CTNNA3: variants seen among roughly 807,000 people sequenced by gnomAD.
CTNNA3 encodes catenin alpha 3.
In CTNNA3, 76 loss-of-function variants were observed where a neutral mutation model predicts 95.7. That is an observed-to-expected ratio of 0.79 (90% CI 0.66 to 0.96). CTNNA3 has a LOEUF of 0.96. Among genes scored for constraint, CTNNA3 ranks in the 40% least tolerant of loss-of-function variants. CTNNA3 has a pLI of 0.00. For synonymous variants in CTNNA3, 431 were observed against 374.4 expected, an observed-to-expected ratio of 1.15 and a Z score of -1.74; for missense variants, 1,191 against 1,089.8, an observed-to-expected ratio of 1.09 and a Z score of -1.31.
intron 15 of CTNNA3, among the ~76,000 whole-genome samples, chr10:66,040,133 A>T (rs1344389254): frequency 2.0e-5 from 3 of 152,186 alleles, no homozygotes; most frequent in Non-Finnish European, 4.4e-5. Context: ...AAAGCTTAAC[A>T]TCACTGATTA....
At chr10:66,143,014 C>T (rs1186492595) in intron 13 of CTNNA3, among the ~76,000 whole-genome samples, 3 of 151,990 alleles carry the variant, frequency 2.0e-5, no homozygotes, top group Non-Finnish European at 2.9e-5. Context: ...GTTAAATACA[C>T]TAAATTTCTG....
intron 5 of CTNNA3, among the ~76,000 whole-genome samples, chr10:67,284,801 A>C (rs918430786): frequency 6.6e-6 from 1 of 152,220 alleles, no homozygotes; most frequent in African/African-American, 2.4e-5. Context: ...TTCCCAGTGG[A>C]CATATTTGGC....
rs186642729 is a variant in CTNNA3 at position 67,273,872 on chromosome 10, A to G, written c.580-54002T>C. Among the ~76,000 whole-genome samples, 481 of 152,282 alleles carry G rather than the reference A, an allele frequency of 3.2e-3. 1 individual carries two copies. The highest frequency in any genetic ancestry group is 0.011 in the African/African-American group (453 of 41,572). ...TAATGAGAACAGGCAAAACTAATGAAGGGTGGAAAAGGTGAGAATAGTGGT... is the reference window on the plus strand; with the variant it reads ...TAATGAGAACAGGCAAAACTAATGAGGGGTGGAAAAGGTGAGAATAGTGGT... On this transcript the variant is annotated intron_variant, in intron 5 of 17. Transcript: ENST00000433211.
At chr10:66,771,340 A>T (rs1229365319) in intron 8 of CTNNA3, among the ~76,000 whole-genome samples, 1 of 152,192 alleles carries the variant, frequency 6.6e-6, no homozygotes, top group African/African-American at 2.4e-5. Context: ...TGTTGCTTAA[A>T]TTTTTTTATA....
intron 5 of CTNNA3, among the ~76,000 whole-genome samples, chr10:67,514,354 T>C (rs1184179838): frequency 6.6e-6 from 1 of 152,166 alleles, no homozygotes; most frequent in Non-Finnish European, 1.5e-5. Context: ...CTAAAGATTC[T>C]TTACTTGGTT....
chr10:66,068,338 T>C (rs919624792), intron 15 of CTNNA3, among the ~76,000 whole-genome samples: 3 of 152,178 alleles, frequency 2.0e-5, no homozygotes, highest in African/African-American at 7.2e-5. Flanking sequence ...CCATTTACAT[T>C]TCAATATTGC....
chr10:66,025,899 A>G (rs1441196283), intron 15 of CTNNA3, among the ~76,000 whole-genome samples: 1 of 152,320 alleles, frequency 6.6e-6, no homozygotes, highest in East Asian at 1.9e-4. Context: ...CAGGCCAAAT[A>G]TTAGAAGCAG....
chr10:67,632,723 G>T (rs1004597527), intron 2 of CTNNA3, among the ~76,000 whole-genome samples: 1 of 152,116 alleles, frequency 6.6e-6, no homozygotes, highest in Non-Finnish European at 1.5e-5. Flanking sequence ...AGGGCGTTGG[G>T]TCTGATACAC....
chr10:66,791,208 G>A (rs963921879), intron 7 of CTNNA3, among the ~76,000 whole-genome samples: 2 of 152,094 alleles, frequency 1.3e-5, no homozygotes, highest in East Asian at 1.9e-4. Flanking sequence ...ACCCCTTAAC[G>A]GGTTCCCTTT....
intron 5 of CTNNA3, among the ~76,000 whole-genome samples, chr10:67,400,367 T>C (rs958984645): frequency 4.6e-5 from 7 of 152,240 alleles, no homozygotes; most frequent in African/African-American, 1.7e-4. Context: ...ATGTTACAGA[T>C]GTATTATGAA....
intron 10 of CTNNA3, among the ~76,000 whole-genome samples, chr10:66,581,403 T>C (rs1326944222): frequency 9.6e-6 from 1 of 104,508 alleles, no homozygotes; most frequent in Non-Finnish European, 2.3e-5. Context: ...CACCCGAGCA[T>C]CTTTTGGGGA....
At chr10:67,237,595 A>G (rs1161860350) in intron 5 of CTNNA3, among the ~76,000 whole-genome samples, 1 of 152,144 alleles carries the variant, frequency 6.6e-6, no homozygotes, top group African/African-American at 2.4e-5. Context: ...TAGAAAAAAA[A>G]AGAAGCTATC....
intron 11 of CTNNA3, among the ~76,000 whole-genome samples, chr10:66,395,557 C>T (rs963521069): frequency 6.6e-6 from 1 of 151,858 alleles, no homozygotes; most frequent in East Asian, 1.9e-4. Context: ...TTAAAAGGTA[C>T]CATGTTTTCA....
At chr10:66,640,859 A>C (rs1845493614) in intron 9 of CTNNA3, among the ~76,000 whole-genome samples, 1 of 152,180 alleles carries the variant, frequency 6.6e-6, no homozygotes, top group Non-Finnish European at 1.5e-5. Flanking sequence ...TCTTAAAACT[A>C]TAAAGATAAA....
chr10:67,658,556 G>A (rs1840091349), intron 1 of CTNNA3, among the ~76,000 whole-genome samples: 2 of 152,008 alleles, frequency 1.3e-5, no homozygotes. Context: ...AATCAATAAG[G>A]CATATTTCCT....
intron 7 of CTNNA3, among the ~76,000 whole-genome samples, chr10:67,154,859 C>G (rs61742655): frequency 6.6e-6 from 1 of 152,136 alleles, no homozygotes; most frequent in Non-Finnish European, 1.5e-5. Flanking sequence ...GCACTGAGCT[C>G]TTTTCCCCAG....
intron 7 of CTNNA3, among the ~76,000 whole-genome samples, chr10:67,176,557 T>C (rs192629621): frequency 6.6e-6 from 1 of 152,294 alleles, no homozygotes; most frequent in Non-Finnish European, 1.5e-5. Flanking sequence ...AAGACTAGTA[T>C]TGATATAATG....
Position 66,597,511 on chromosome 10 carries a change from CATATATATATATATATATATAT to C in CTNNA3, c.1374+24159_1374+24180del, listed in dbSNP as rs369390875. ...GGTCAACATGGCATTTTATTTCATA[CATATATATATATATATATATAT>C]ATATATATATATATATATATATTTA... On this transcript the variant is annotated intron_variant, in intron 10 of 17. Coordinates refer to ENST00000433211, the MANE Select transcript of CTNNA3 (RefSeq NM_013266.4). Among the ~76,000 whole-genome samples the C allele has an allele frequency of 1.8e-3, 129 of 70,980 alleles. 1 individual carries two copies. The highest frequency in any genetic ancestry group is 7.2e-3 in the South Asian group (15 of 2,084). The allele number at this position is 70,980 out of a possible 152,430, so 46.6% of individuals were successfully genotyped here.
intron 15 of CTNNA3, among the ~76,000 whole-genome samples, chr10:66,049,129 T>G (rs2079895819): frequency 6.6e-6 from 1 of 152,160 alleles, no homozygotes; most frequent in African/African-American, 2.4e-5. Flanking sequence ...GGGCAAAAGA[T>G]ATGAACAGAC....
Sources: gnomAD v4.1 joint callset for allele counts (sites outside exome capture counted in the v4.1 genomes callset) on GRCh38, gnomAD v4.1.1 for gene constraint, MANE v1.5 for transcripts, NCBI Gene and HGNC (gene_info 2026-07-23, HGNC 2026-07-21) for gene names.